Variants in TNIP3 observed in about 807,000 individuals in gnomAD.
TNIP3 encodes TNFAIP3-interacting protein 3.
In TNIP3, 34 loss-of-function variants were observed where a neutral mutation model predicts 54.1. That is an observed-to-expected ratio of 0.63 (90% CI 0.48 to 0.84). TNIP3 has a LOEUF of 0.84. TNIP3 is among the 40% of genes least tolerant of loss of function. The pLI, the probability that TNIP3 is intolerant of heterozygous loss-of-function variation, is 0.00. For synonymous variants in TNIP3, 134 were observed against 136.8 expected (o/e 0.98, Z 0.14); for missense variants, 366 against 387.6 (o/e 0.94, Z 0.47).
In TNIP3 at chr4:121,186,211, T is replaced by G. The variant is rs563163631; in HGVS notation, c.69-3415A>C. On this transcript the variant is annotated intron_variant, in intron 2 of 12. Coordinates refer to the TNIP3 transcript ENST00000507879. ...GGCAGCAAAGAAAAAGAGAACCATA[T>G]GGTGGTGACCAGACGTGGGGGGGTT... is the stretch of plus-strand genomic sequence containing the variant. 1.9e-4 allele frequency among the ~76,000 whole-genome samples: 29 copies of G among 152,246 alleles called. No homozygotes were observed. In the South Asian group the frequency reaches 2.9e-3, roughly 15 times the overall value.
In TNIP3 at chr4:121,142,041, A is replaced by T. The variant is rs1355533257; in HGVS notation, c.787-127T>A. ...ACTTAATCTGGCATAATTATAACTC[A>T]AAATAGTAAACATGTCAATAGACTC... On this transcript the variant is annotated intron_variant, in intron 8 of 10. Transcript: ENST00000057513. 1.1e-5 allele frequency: 6 copies of T among 537,140 alleles called. No homozygotes were observed. In the East Asian group the frequency reaches 2.0e-4, roughly 18 times the overall value. The allele number at this position is 537,140 out of a possible 1,614,324, so 33.3% of individuals were successfully genotyped here.
At chr4:121,202,302 A>G (rs777563031) in intron 2 of TNIP3, among the ~76,000 whole-genome samples, 1 of 152,204 alleles carries the variant, frequency 6.6e-6, no homozygotes, top group Non-Finnish European at 1.5e-5. Flanking sequence ...AAACAAAAAC[A>G]TAAAGTGGGG....
At chr4:121,202,579 T>C (rs542180807) in intron 2 of TNIP3, among the ~76,000 whole-genome samples, 1 of 152,132 alleles carries the variant, frequency 6.6e-6, no homozygotes, top group East Asian at 1.9e-4. Flanking sequence ...ACAAGATAGA[T>C]GGGATTTAAT....
At chr4:121,203,684 T>C (rs1009426684) in intron 2 of TNIP3, among the ~76,000 whole-genome samples, 2 of 152,124 alleles carry the variant, frequency 1.3e-5, no homozygotes, top group Non-Finnish European at 2.9e-5. Context: ...TATTGGACCA[T>C]GTATTTTCAA....
At chr4:121,184,634 G>A (rs1163067112) in intron 2 of TNIP3, among the ~76,000 whole-genome samples, 1 of 152,132 alleles carries the variant, frequency 6.6e-6, no homozygotes, top group Non-Finnish European at 1.5e-5. Context: ...TCATTATAAT[G>A]AATTCTCTCA....
chr4:121,206,794 T>C (rs186481130), intron 2 of TNIP3, among the ~76,000 whole-genome samples: 14 of 152,220 alleles, frequency 9.2e-5, no homozygotes, highest in African/African-American at 2.4e-4. Flanking sequence ...GCTCTGAAAC[T>C]CCTGGACTCA....
upstream of TNIP3, among the ~76,000 whole-genome samples, chr4:121,220,060 AAAGT>A (rs954777566): frequency 6.6e-6 from 1 of 152,190 alleles, no homozygotes; most frequent in African/African-American, 2.4e-5. Context: ...AAGATTCTAT[AAAGT>A]AATAGGCTGA....
At chr4:121,205,783 T>A (rs1385345431) in intron 2 of TNIP3, among the ~76,000 whole-genome samples, 1 of 152,140 alleles carries the variant, frequency 6.6e-6, no homozygotes, top group African/African-American at 2.4e-5. Context: ...AAGTTGCCCT[T>A]TATTGAGACA....
rs904300706 is a variant in TNIP3 at position 121,138,537 on chromosome 4, C to A, written c.946+87G>T. On this transcript the variant is annotated intron_variant, in intron 10 of 10. Coordinates refer to ENST00000057513, the MANE Select transcript of TNIP3 (RefSeq NM_024873.6). ...CTTTATAGTAAGTCCTCCCCAAGTACGAATGAATGTATGTTGAGTAAACAT... is the reference window on the plus strand; with the variant it reads ...CTTTATAGTAAGTCCTCCCCAAGTAAGAATGAATGTATGTTGAGTAAACAT... 14 of 1,273,026 alleles carry A rather than the reference C, an allele frequency of 1.1e-5. No individual in the cohort carries two copies. In the East Asian group the frequency reaches 1.9e-4, roughly 17 times the overall value. 78.9% of individuals were successfully genotyped at this position (1,273,026 alleles called of 1,614,324 possible). A position where few individuals can be genotyped will look rare whatever the true frequency, so the allele number is the denominator to read the frequency against.
rs769366694 is a variant in TNIP3 at position 121,154,539 on chromosome 4, C to T, written c.492+12G>A. On this transcript the variant is annotated intron_variant, in intron 5 of 10. Coordinates refer to ENST00000057513, the MANE Select transcript of TNIP3 (RefSeq NM_024873.6). ...TCTCATTTTAATCTCCCATGCTTGA[C>T]CTGACTGATACCTTATTGAGGCGTT... is the stretch of plus-strand genomic sequence containing the variant. 2 of 1,613,074 alleles carry T rather than the reference C, an allele frequency of 1.2e-6. No homozygotes were observed. The highest frequency in any genetic ancestry group is 8.5e-7 in the Non-Finnish European group (1 of 1,179,682).
chr4:121,224,965 G>A (rs1037649310), intron 1 of TNIP3, among the ~76,000 whole-genome samples: 23 of 152,206 alleles, frequency 1.5e-4, no homozygotes, highest in African/African-American at 4.3e-4. Flanking sequence ...TCATCTGGCT[G>A]TAATCTATAT....
intron 2 of TNIP3, among the ~76,000 whole-genome samples, chr4:121,183,730 A>T (rs1026118744): frequency 6.6e-6 from 1 of 151,902 alleles, no homozygotes; most frequent in African/African-American, 2.4e-5. Flanking sequence ...TTGTGAGAAC[A>T]TTATTGTGAA....
chr4:121,216,732 T>C, upstream of TNIP3: 5 of 880,244 alleles, frequency 5.7e-6, no homozygotes, highest in Non-Finnish European at 8.0e-6. Context: ...ACAGGCTCAG[T>C]GAGTTAAGGA....
In TNIP3 at chr4:121,154,544, C is replaced by T. The variant is rs116147568; in HGVS notation, c.492+7G>A. On this transcript the variant is annotated splice_region_variant and intron_variant, in intron 5 of 10. Coordinates refer to ENST00000057513, the MANE Select transcript of TNIP3 (RefSeq NM_024873.6). ...TTTTAATCTCCCATGCTTGACCTGA[C>T]TGATACCTTATTGAGGCGTTTTATT... 3.7e-6 allele frequency: 6 copies of T among 1,613,314 alleles called. No homozygotes were observed. The South Asian group carries it at 5.5e-5, about 15-fold the overall frequency.
At chr4:121,150,917 A>G (rs1431325410) in intron 5 of TNIP3, among the ~76,000 whole-genome samples, 1 of 152,196 alleles carries the variant, frequency 6.6e-6, no homozygotes, top group Non-Finnish European at 1.5e-5. Flanking sequence ...CTTTCTTGAC[A>G]TCCAGTATAA....
intron 2 of TNIP3, among the ~76,000 whole-genome samples, chr4:121,202,172 A>G (rs891365831): frequency 1.3e-5 from 2 of 152,226 alleles, no homozygotes; most frequent in Admixed American, 6.5e-5. Context: ...CTATAAGGCC[A>G]TAGTGACCTG....
chr4:121,134,866 T>C (rs1380994362), intron 10 of TNIP3, among the ~76,000 whole-genome samples: 2 of 152,212 alleles, frequency 1.3e-5, no homozygotes, highest in African/African-American at 4.8e-5. Flanking sequence ...AAGCTCCTCC[T>C]GGCACCCAAA....
intron 2 of TNIP3, among the ~76,000 whole-genome samples, chr4:121,206,537 A>AG (rs1383039932): frequency 3.6e-4 from 37 of 102,120 alleles, no homozygotes; most frequent in Non-Finnish European, 8.2e-5. Context: ...ATTTGTATAT[A>AG]TTGTGTGTGT....
chr4:121,180,186 G>A (rs376657285), intron 3 of TNIP3, among the ~76,000 whole-genome samples: 1 of 152,144 alleles, frequency 6.6e-6, no homozygotes, highest in Non-Finnish European at 1.5e-5. Context: ...GGATCAAGAG[G>A]TCAGGAGATC....
Sources: allele counts gnomAD v4.1 joint callset (sites outside exome capture counted in the v4.1 genomes callset), GRCh38; gene constraint gnomAD v4.1.1; transcripts MANE v1.5; gene names NCBI Gene and HGNC (gene_info 2026-07-23, HGNC 2026-07-21).